SLIT3: variants seen among roughly 807,000 people sequenced by gnomAD.
SLIT3 encodes the protein slit guidance ligand 3.
SLIT3 carries 68 observed loss-of-function variants against 184.0 expected under a neutral mutation model. The ratio of observed to expected loss-of-function variants is 0.37; its 90% CI spans 0.30 to 0.45. SLIT3 has a LOEUF of 0.45. Among genes scored for constraint, SLIT3 ranks in the 20% least tolerant of loss-of-function variants. SLIT3 has a pLI of 1.00. For synonymous variants in SLIT3, 831 were observed against 828.6 expected (o/e 1.00, Z -0.05); for missense variants, 1,707 against 2,026.0 (o/e 0.84, Z 3.02).
At chr5:168,902,520 A>G (rs1465359512) in intron 4 of SLIT3, among the ~76,000 whole-genome samples, 1 of 152,232 alleles carries the variant, frequency 6.6e-6, no homozygotes, top group African/African-American at 2.4e-5. Flanking sequence ...AGTAGGAATT[A>G]TGCAAGGGAA....
At chr5:168,944,147 G>A (rs910957478) in intron 4 of SLIT3, among the ~76,000 whole-genome samples, 5 of 152,102 alleles carry the variant, frequency 3.3e-5, no homozygotes, top group Non-Finnish European at 5.9e-5. Flanking sequence ...ATAACGGCCC[G>A]AGATTTTGTA....
intron 4 of SLIT3, among the ~76,000 whole-genome samples, chr5:169,121,261 C>A (rs1760861040): frequency 6.6e-6 from 1 of 152,184 alleles, no homozygotes; most frequent in South Asian, 2.1e-4. Context: ...ATACCTTAAA[C>A]CTTTCTGATG....
chr5:168,903,443 A>C (rs1209904833), intron 4 of SLIT3, among the ~76,000 whole-genome samples: 3 of 152,018 alleles, frequency 2.0e-5, no homozygotes, highest in Non-Finnish European at 4.4e-5. Context: ...GTTTCATTTG[A>C]GGTGAGAGCT....
chr5:168,737,233 G>C (rs1408735760), intron 20 of SLIT3, among the ~76,000 whole-genome samples: 1 of 151,992 alleles, frequency 6.6e-6, no homozygotes, highest in African/African-American at 2.4e-5. Flanking sequence ...ATAAAACTAT[G>C]GATGAGGACC....
intron 4 of SLIT3, among the ~76,000 whole-genome samples, chr5:169,110,227 G>A (rs1348876196): frequency 6.6e-6 from 1 of 152,192 alleles, no homozygotes; most frequent in Non-Finnish European, 1.5e-5. Context: ...TAACTGCATG[G>A]TTGAGTATGG....
At chr5:168,673,601 A>AT (rs756802261) in intron 32 of SLIT3, among the ~76,000 whole-genome samples, 1 of 152,246 alleles carries the variant, frequency 6.6e-6, no homozygotes, top group Non-Finnish European at 1.5e-5. Flanking sequence ...GGTAAGTTAC[A>AT]TACATTACAG....
At position 168,683,979 on chromosome 5, in the gene SLIT3, T is replaced by C. The variant is rs1344488500; in HGVS notation, c.3673A>G (p.Thr1225Ala). ...AGAGGCCCTTACCTGTACACTGTGG[T>C]TGGAGGGGAACTCAGGCTGTCATAG... ...LVYDSLSSPP[T>A]TVYSVETVND... Residue 1225 changes from threonine to alanine, a missense_variant, in exon 32 of 36, where the codon ACC (threonine) becomes GCC (alanine). Thr to Ala is a moderately conservative substitution (Grantham distance 58). Around this residue, in one of 3 missense-constraint regions of SLIT3, gnomAD observed 387 missense variants for 477.9 expected, o/e 0.81. Coordinates refer to ENST00000519560, the MANE Select transcript of SLIT3 (RefSeq NM_003062.4). 5.7e-6 allele frequency: 9 copies of C among 1,586,296 alleles called. No homozygotes were observed. The highest frequency in any genetic ancestry group is 1.7e-5 in the Admixed American group (1 of 57,466).
intron 1 of SLIT3, among the ~76,000 whole-genome samples, chr5:169,275,257 G>A (rs1766763655): frequency 6.6e-6 from 1 of 152,180 alleles, no homozygotes; most frequent in African/African-American, 2.4e-5. Context: ...TTTTACAGAT[G>A]AGGTAACTAA....
chr5:169,203,703 T>G (rs975941566), intron 3 of SLIT3, among the ~76,000 whole-genome samples: 6 of 152,292 alleles, frequency 3.9e-5, no homozygotes, highest in Middle Eastern at 3.4e-3. Context: ...TAAGAAGTAG[T>G]CAAATTCTAT....
At chr5:168,846,464 G>T (rs1305752874) in intron 5 of SLIT3, among the ~76,000 whole-genome samples, 1 of 152,100 alleles carries the variant, frequency 6.6e-6, no homozygotes. Flanking sequence ...TTCTATGAAG[G>T]CAGTCTAGTC....
At chr5:168,776,273 C>T (rs776656680) in intron 12 of SLIT3, among the ~76,000 whole-genome samples, 18 of 152,190 alleles carry the variant, frequency 1.2e-4, no homozygotes, top group Non-Finnish European at 2.4e-4. Context: ...CGCGTGCAGG[C>T]AAGCAGCTGT....
At chr5:168,958,264 G>C (rs1358340379) in intron 4 of SLIT3, among the ~76,000 whole-genome samples, 1 of 152,156 alleles carries the variant, frequency 6.6e-6, no homozygotes, top group Non-Finnish European at 1.5e-5. Context: ...AGGGTTTCAA[G>C]GACCTCATTA....
At chr5:169,113,518 G>A (rs1188710416) in intron 4 of SLIT3, among the ~76,000 whole-genome samples, 3 of 152,054 alleles carry the variant, frequency 2.0e-5, no homozygotes, top group Non-Finnish European at 4.4e-5. Context: ...AATGATGGCT[G>A]TACAAATGAT....
At chr5:168,689,873 AAC>A (rs1761855004) in intron 29 of SLIT3, among the ~76,000 whole-genome samples, 2 of 152,362 alleles carry the variant, frequency 1.3e-5, no homozygotes, top group African/African-American at 4.8e-5. Context: ...TTTTGATTTA[AAC>A]ACATTTTAAT....
At chr5:169,234,305 C>T (rs1464990394) in intron 3 of SLIT3, among the ~76,000 whole-genome samples, 1 of 152,160 alleles carries the variant, frequency 6.6e-6, no homozygotes, top group Admixed American at 6.5e-5. Context: ...CCACAGAATT[C>T]CAGACGCAGT....
intron 3 of SLIT3, among the ~76,000 whole-genome samples, chr5:169,221,711 C>T (rs1011047213): frequency 6.6e-6 from 1 of 152,214 alleles, no homozygotes; most frequent in South Asian, 2.1e-4. Flanking sequence ...ACTCCCCCGC[C>T]AGCCATCAGT....
intron 4 of SLIT3, among the ~76,000 whole-genome samples, chr5:168,995,091 T>C (rs186970889): frequency 1.1e-4 from 16 of 152,262 alleles, no homozygotes; most frequent in Admixed American, 9.8e-4. Flanking sequence ...CAGTAGGGGA[T>C]ATAGGCAGGG....
chr5:168,813,801 C>A (rs936919454), intron 8 of SLIT3, among the ~76,000 whole-genome samples: 6 of 152,188 alleles, frequency 3.9e-5, no homozygotes, highest in African/African-American at 1.4e-4. Flanking sequence ...GCAGGCAGAG[C>A]CCTCACAGGC....
chr5:168,976,447 A>G (rs1303037595), intron 4 of SLIT3, among the ~76,000 whole-genome samples: 2 of 152,244 alleles, frequency 1.3e-5, no homozygotes, highest in African/African-American at 4.8e-5. Context: ...ACCTCAGAGA[A>G]CATAGCATTC....
Sources: allele counts gnomAD v4.1 joint callset (sites outside exome capture counted in the v4.1 genomes callset), GRCh38; gene constraint gnomAD v4.1.1; regional missense constraint gnomAD v4.1.1; transcripts MANE v1.5; gene names NCBI Gene and HGNC (gene_info 2026-07-23, HGNC 2026-07-21).